CCDC57: variants seen among roughly 807,000 people sequenced by gnomAD.
CCDC57 encodes coiled-coil domain containing 57, also known as coiled-coil domain-containing protein 57.
Under a neutral mutation model 118.9 loss-of-function variants are expected in CCDC57, and 118 were observed. That is an observed-to-expected ratio of 0.99 (90% confidence interval 0.86 to 1.16). CCDC57 has a LOEUF of 1.16. CCDC57 is among the 50% of genes most tolerant of loss of function. The pLI is 0.00. For synonymous variants in CCDC57, 527 were observed against 532.9 expected, an observed-to-expected ratio of 0.99 and a Z score of 0.15; for missense variants, 1,300 against 1,320.7, an observed-to-expected ratio of 0.98 and a Z score of 0.24.
At chr17:82,123,585 A>G (rs2037027347) in intron 19 of CCDC57, among the ~76,000 whole-genome samples, 2 of 152,204 alleles carry the variant, frequency 1.3e-5, no homozygotes, top group African/African-American at 4.8e-5. Flanking sequence ...CACATAAAGC[A>G]ACAATTGACA....
chr17:82,209,822 A>T (rs1395217478), intron 1 of CCDC57, among the ~76,000 whole-genome samples: 1 of 152,134 alleles, frequency 6.6e-6, no homozygotes, highest in Non-Finnish European at 1.5e-5. Context: ...GATATACTGA[A>T]ATAGATTTGC....
At chr17:82,108,386 G>A (rs1396515824) in intron 19 of CCDC57, among the ~76,000 whole-genome samples, 2 of 152,152 alleles carry the variant, frequency 1.3e-5, no homozygotes, top group Admixed American at 6.5e-5. Context: ...AAAGAGGTTC[G>A]GCCCTGGTCA....
At chr17:82,122,955 GC>G (rs1478802609) in intron 19 of CCDC57, among the ~76,000 whole-genome samples, 4 of 152,042 alleles carry the variant, frequency 2.6e-5, no homozygotes, top group African/African-American at 9.7e-5. Flanking sequence ...CTCTCCCCAA[GC>G]CGGGAAGGAT....
chr17:82,102,911 C>A (rs2034563281), intron 19 of CCDC57, among the ~76,000 whole-genome samples: 1 of 152,086 alleles, frequency 6.6e-6, no homozygotes, highest in Admixed American at 6.6e-5. Context: ...AAAAAAAACC[C>A]CACAGTAAGA....
chr17:82,194,098 G>A lies in CCDC57; in HGVS notation c.660C>T (p.Ala220=), dbSNP rs530116884. The change falls in exon 6 of 20, where the codon GCC becomes GCT. Residue 220 remains alanine, a synonymous_variant. Transcript: ENST00000665763. ...GCAGACTCTCTGCAGCCTTTGCCCC[G>A]GCTTCCTTCAGAGCCTCCAGCTCTT... 3.0e-4 allele frequency: 489 copies of A among 1,613,870 alleles called. 6 individuals carry two copies. The South Asian group carries it at 5.0e-3, about 16-fold the overall frequency.
At chr17:82,164,220 A>C (rs2043699172) in intron 13 of CCDC57, among the ~76,000 whole-genome samples, 1 of 152,038 alleles carries the variant, frequency 6.6e-6, no homozygotes, top group African/African-American at 2.4e-5. Context: ...TGCTAAAAAA[A>C]AAATACAAAA....
chr17:82,188,390 T>C, exon 8 of CCDC57: 1 of 1,611,760 alleles, frequency 6.2e-7, no homozygotes, highest in South Asian at 1.1e-5. Context: ...TGCATCCTTC[T>C]CCCTGGCCAG....
At chr17:82,112,552 G>T (rs909470098) in intron 19 of CCDC57, 2 of 152,310 alleles carry the variant, frequency 1.3e-5, no homozygotes, top group African/African-American at 4.8e-5. Flanking sequence ...AGACTCAAGA[G>T]AACCCTGTGC....
At chr17:82,173,658 T>C (rs2146293512) in intron 11 of CCDC57, among the ~76,000 whole-genome samples, 1 of 152,130 alleles carries the variant, frequency 6.6e-6, no homozygotes, top group South Asian at 2.1e-4. Flanking sequence ...AAGAAAATCA[T>C]ACCAAACAGC....
intron 15 of CCDC57, among the ~76,000 whole-genome samples, chr17:82,153,018 C>T (rs1311443483): frequency 2.0e-5 from 3 of 152,212 alleles, no homozygotes; most frequent in East Asian, 1.9e-4. Flanking sequence ...CATGAAGGCT[C>T]GCCACAGGCC....
intron 16 of CCDC57, among the ~76,000 whole-genome samples, chr17:82,149,246 T>G (rs2041506556): frequency 1.1e-5 from 1 of 88,262 alleles, no homozygotes; most frequent in Non-Finnish European, 2.2e-5. Flanking sequence ...GGTAGATGGA[T>G]GGATGGATGG....
Position 82,104,286 on chromosome 17 carries a change from G to T in CCDC57, c.2900-2420C>A, listed in dbSNP as rs143938225. Among the ~76,000 whole-genome samples the T allele has an allele frequency of 5.7e-3, 871 of 152,352 alleles. 8 individuals carry two copies. The highest frequency in any genetic ancestry group is 5.6e-3 in the Non-Finnish European group (384 of 68,032). On this transcript the variant is annotated intron_variant, in intron 19 of 19. Transcript: ENST00000665763. ...GTGGACACACAGTTTGCCGGGCACA[G>T]CGTGAGGAACGCGCCTCTTGGGTCC... is the stretch of plus-strand genomic sequence containing the variant.
At chr17:82,173,279 AG>A (rs1288892835) in intron 11 of CCDC57, among the ~76,000 whole-genome samples, 1 of 152,184 alleles carries the variant, frequency 6.6e-6, no homozygotes, top group Non-Finnish European at 1.5e-5. Context: ...AAATAGTTAA[AG>A]CAGCCAGTTT....
intron 13 of CCDC57, among the ~76,000 whole-genome samples, chr17:82,171,080 C>T (rs2044652428): frequency 1.4e-5 from 2 of 146,546 alleles, no homozygotes; most frequent in African/African-American, 5.1e-5. Flanking sequence ...CACGTGGGCT[C>T]CGGAGGGAGC....
chr17:82,159,239 T>C (rs1188649942), intron 14 of CCDC57, among the ~76,000 whole-genome samples: 1 of 152,114 alleles, frequency 6.6e-6, no homozygotes, highest in Non-Finnish European at 1.5e-5. Context: ...GCTCAAGTGA[T>C]CTTCCTGCCT....
chr17:82,121,906 A>G (rs1332097998), intron 19 of CCDC57, among the ~76,000 whole-genome samples: 1 of 152,116 alleles, frequency 6.6e-6, no homozygotes, highest in African/African-American at 2.4e-5. Context: ...CTTGTAGCTA[A>G]AAGCATCTTA....
At chr17:82,105,529 G>A (rs1309252038) in intron 19 of CCDC57, among the ~76,000 whole-genome samples, 1 of 152,092 alleles carries the variant, frequency 6.6e-6, no homozygotes, top group African/African-American at 2.4e-5. Context: ...CCACGCCTGG[G>A]AGGCTCACAG....
intron 11 of CCDC57, chr17:82,175,662 C>G (rs1340639363): frequency 3.9e-5 from 6 of 152,230 alleles, no homozygotes; most frequent in African/African-American, 1.4e-4. Flanking sequence ...TCTCCTGTCT[C>G]CCTACAATGT....
Position 82,172,902 on chromosome 17 carries a change from T to G in CCDC57, c.1507-42A>C, listed in dbSNP as rs1186462722. 3 of 1,539,770 alleles carry G rather than the reference T, an allele frequency of 1.9e-6. No homozygotes were observed. Among genetic ancestry groups the G allele is most frequent in the Middle Eastern group, 1.8e-4 (1 of 5,628 alleles). Reference sequence around the variant, plus strand: ...AAAATGGCTACAAAAAGATGAATGGTTCCCCAGCTTGTCCTGACAGGCTGT... The same window carrying G: ...AAAATGGCTACAAAAAGATGAATGGGTCCCCAGCTTGTCCTGACAGGCTGT... On this transcript the variant is annotated intron_variant, in intron 11 of 19. Coordinates refer to ENST00000665763, the Ensembl canonical transcript of CCDC57. The surrounding 1 kb of genome is among the most constrained non-coding windows in gnomAD (Gnocchi z 5.2).
Sources: allele counts gnomAD v4.1 joint callset (sites outside exome capture counted in the v4.1 genomes callset), GRCh38; gene constraint gnomAD v4.1.1; non-coding constraint Gnocchi (gnomAD v3.1); transcripts MANE v1.5; gene names NCBI Gene and HGNC (gene_info 2026-07-23, HGNC 2026-07-21).